Variants in MAN2A1 observed in about 807,000 individuals in gnomAD.
MAN2A1 encodes the protein alpha-mannosidase 2.
Under a neutral mutation model 142.6 loss-of-function variants are expected in MAN2A1, and 76 were observed. The ratio of observed to expected loss-of-function variants is 0.53; its 90% confidence interval spans 0.44 to 0.65. MAN2A1 has a LOEUF of 0.65. MAN2A1 is among the 30% of genes least tolerant of loss of function. The pLI is 0.00. For missense variants in MAN2A1, 1,311 were observed against 1,365.1 expected (o/e 0.96, Z 0.62); for synonymous variants, 559 against 473.2 (o/e 1.18, Z -2.35).
At chr5:109,792,079 AAAG>A (rs1210814688) in intron 12 of MAN2A1, among the ~76,000 whole-genome samples, 3 of 152,100 alleles carry the variant, frequency 2.0e-5, no homozygotes, top group Non-Finnish European at 4.4e-5. Context: ...TAAGATATAA[AAAG>A]AAAAGCCCTC....
intron 19 of MAN2A1, among the ~76,000 whole-genome samples, chr5:109,851,382 G>T (rs1047140127): frequency 1.3e-5 from 2 of 152,208 alleles, no homozygotes; most frequent in Non-Finnish European, 2.9e-5. Context: ...TACCATTGTG[G>T]TAATGTTGGG....
At position 109,866,899 on chromosome 5, in the gene MAN2A1, A is replaced by G. The variant is rs1755897339; in HGVS notation, c.3336A>G (p.Ser1112=). Residue 1112 remains serine (S), a synonymous_variant, in exon 22 of 22, where the codon TCA becomes TCG. Coordinates refer to ENST00000261483, the MANE Select transcript of MAN2A1 (RefSeq NM_002372.4). ...TTATTGTCGAAAGTCTCACACCTTC[A>G]TCACTATCCTTGATGCATTCACCTC... is the stretch of plus-strand genomic sequence containing the variant. The part of the protein sequence containing the change: ...NKFIVESLTP[S]SLSLMHSPPG... The G allele has an allele frequency of 1.2e-6, 2 of 1,612,072 alleles. No homozygotes were observed. The highest frequency in any genetic ancestry group is 1.7e-6 in the Non-Finnish European group (2 of 1,178,746).
Position 109,729,361 on chromosome 5 carries a change from T to C in MAN2A1, c.555T>C (p.Asn185=). The change falls in exon 4 of 22, where the codon AAT becomes AAC. Residue 185 remains asparagine (N), a synonymous_variant. Coordinates refer to ENST00000261483, the MANE Select transcript of MAN2A1 (RefSeq NM_002372.4). ...HNDPGWLKTF[N]DYFRDKTQYI... is the part of the protein sequence containing the mutation. ...ATTTAGGTTGGTTGAAGACTTTCAA[T>C]GACTACTTTAGAGACAAGACTCAGT... 6.2e-7 allele frequency: 1 copy of C among 1,602,486 alleles called. No homozygotes were observed. The highest frequency in any genetic ancestry group is 8.5e-7 in the Non-Finnish European group (1 of 1,175,734).
intron 3 of MAN2A1, among the ~76,000 whole-genome samples, chr5:109,724,446 A>G: frequency 6.6e-6 from 1 of 152,298 alleles, no homozygotes; most frequent in Admixed American, 6.5e-5. Context: ...AAAATAAATT[A>G]TTAGATGAAA....
At chr5:109,751,377 C>T (rs904289947) in intron 4 of MAN2A1, among the ~76,000 whole-genome samples, 2 of 151,650 alleles carry the variant, frequency 1.3e-5, no homozygotes, top group African/African-American at 2.4e-5. Context: ...ATATATATAC[C>T]ACATTTTCTT....
intron 16 of MAN2A1, among the ~76,000 whole-genome samples, chr5:109,833,649 G>C (rs942674405): frequency 1.3e-5 from 2 of 150,616 alleles, no homozygotes; most frequent in African/African-American, 4.9e-5. Flanking sequence ...CGGCATCAGA[G>C]GGAGACGGTG....
intron 5 of MAN2A1, 24 bp from the exon 6 acceptor site, chr5:109,767,509 TTA>T (rs1561501527): frequency 6.3e-7 from 1 of 1,588,470 alleles, no homozygotes; most frequent in Non-Finnish European, 8.6e-7. Context: ...ATTAAAAAAA[TTA>T]ACACTTATCA....
Position 109,838,005 on chromosome 5 carries a change from G to C in MAN2A1, c.2567-4323G>C, listed in dbSNP as rs138643998. Among the ~76,000 whole-genome samples, 895 of 151,918 alleles carry C rather than the reference G, an allele frequency of 5.9e-3. 9 individuals are homozygous for C. The highest frequency in any genetic ancestry group is 0.02 in the African/African-American group (845 of 41,400). ...ATGTTGTTAAGAACTGGAATGCAAA[G>C]ATGGTGTGTAAGACAGTCTGTATCT... On this transcript the variant is annotated intron_variant, in intron 16 of 21. Coordinates refer to ENST00000261483, the MANE Select transcript of MAN2A1 (RefSeq NM_002372.4).
Position 109,784,734 on chromosome 5 carries a change from AT to A in MAN2A1, c.1578-9del. The A allele has an allele frequency of 6.4e-7, 1 of 1,554,222 alleles. No homozygotes were observed. On this transcript the variant is annotated splice_polypyrimidine_tract_variant and intron_variant, in intron 9 of 21. Coordinates refer to ENST00000261483, the MANE Select transcript of MAN2A1 (RefSeq NM_002372.4). ...GTTTTAAAATAAAAATATGACTTTT[AT>A]GCAATTAGGGCTGCTGAAATTCTTT...
chr5:109,726,142 AT>A (rs1751738756), intron 3 of MAN2A1, among the ~76,000 whole-genome samples: 1 of 152,210 alleles, frequency 6.6e-6, no homozygotes. Context: ...AAAGCTGTGA[AT>A]TGACCACTTA....
chr5:109,803,115 G>A (rs1487670128), intron 12 of MAN2A1, among the ~76,000 whole-genome samples: 2 of 151,968 alleles, frequency 1.3e-5, no homozygotes, highest in Non-Finnish European at 2.9e-5. Flanking sequence ...AATTTCACAT[G>A]AACTTTAAAA....
intron 12 of MAN2A1, among the ~76,000 whole-genome samples, chr5:109,794,661 C>T (rs535932997): frequency 1.3e-5 from 2 of 152,194 alleles, no homozygotes; most frequent in Admixed American, 1.3e-4. Flanking sequence ...ACTGATGGTC[C>T]TAGAGACTCT....
intron 1 of MAN2A1, 21 bp from the exon 2 acceptor site, chr5:109,713,499 C>T: frequency 6.4e-7 from 1 of 1,572,408 alleles, no homozygotes; most frequent in South Asian, 1.2e-5. Context: ...CATATAGCTG[C>T]CTTTTTCTTT....
intron 16 of MAN2A1, among the ~76,000 whole-genome samples, chr5:109,839,095 A>G (rs1554082702): frequency 6.6e-6 from 1 of 152,232 alleles, no homozygotes; most frequent in South Asian, 2.1e-4. Flanking sequence ...TAAAAACCCA[A>G]TGAATTCTTT....
At chr5:109,830,067 G>A (rs755371023) in intron 16 of MAN2A1, among the ~76,000 whole-genome samples, 4 of 152,070 alleles carry the variant, frequency 2.6e-5, no homozygotes, top group African/African-American at 9.7e-5. Context: ...TCTGATAGGG[G>A]CTCTTATCAA....
At chr5:109,806,412 T>G (rs1235112837) in intron 12 of MAN2A1, among the ~76,000 whole-genome samples, 2 of 152,152 alleles carry the variant, frequency 1.3e-5, no homozygotes, top group Non-Finnish European at 2.9e-5. Flanking sequence ...GCTGTTGGTA[T>G]TATTATCATC....
At chr5:109,690,639 C>A in intron 1 of MAN2A1, 87 bp downstream of exon 1, 1 of 1,435,558 alleles carries the variant, frequency 7.0e-7, no homozygotes, top group Non-Finnish European at 9.4e-7. Flanking sequence ...CTCTTCCTCC[C>A]GCCGCGGCCC....
At chr5:109,700,261 G>A (rs1223473612) in intron 1 of MAN2A1, among the ~76,000 whole-genome samples, 2 of 145,826 alleles carry the variant, frequency 1.4e-5, no homozygotes, top group Non-Finnish European at 3.0e-5. Flanking sequence ...ACTCAGGATT[G>A]AAAGTATGAA....
At chr5:109,791,864 G>A (rs912680028) in intron 12 of MAN2A1, among the ~76,000 whole-genome samples, 3 of 152,050 alleles carry the variant, frequency 2.0e-5, no homozygotes, top group South Asian at 2.1e-4. Flanking sequence ...AATAATACAC[G>A]TAAATTTGAT....
Sources: allele counts gnomAD v4.1 joint callset (sites outside exome capture counted in the v4.1 genomes callset), GRCh38; gene constraint gnomAD v4.1.1; transcripts MANE v1.5; gene names NCBI Gene and HGNC (gene_info 2026-07-23, HGNC 2026-07-21).